The following SHC4 variants were observed in gnomAD, a reference collection of about 807,000 sequenced individuals.
SHC4 encodes SHC adaptor protein 4.
Under a neutral mutation model 69.4 loss-of-function variants are expected in SHC4, and 41 were observed. That is an observed-to-expected ratio of 0.59 (90% confidence interval 0.46 to 0.77). The LOEUF (loss-of-function observed/expected upper bound fraction) is 0.77. SHC4 is among the 30% of genes least tolerant of loss of function. SHC4 has a pLI of 0.00. For missense variants in SHC4, 777 were observed against 783.8 expected (o/e 0.99, Z 0.10); for synonymous variants, 318 against 299.3 (o/e 1.06, Z -0.64).
intron 1 of SHC4, among the ~76,000 whole-genome samples, chr15:48,952,582 T>C (rs554631846): frequency 1.8e-4 from 28 of 151,882 alleles, no homozygotes; most frequent in African/African-American, 6.8e-4. Context: ...TAAACAAATT[T>C]ACAAGAAAAA....
chr15:48,844,677 T>G (rs1040147142), intron 9 of SHC4, among the ~76,000 whole-genome samples: 1 of 152,170 alleles, frequency 6.6e-6, no homozygotes, highest in Non-Finnish European at 1.5e-5. Flanking sequence ...GTAATAATCC[T>G]CATGTGTCAA....
At chr15:48,876,441 A>G (rs75509331) in intron 4 of SHC4, 1 of 321,162 alleles carries the variant, frequency 3.1e-6, no homozygotes, top group Admixed American at 6.1e-5. Flanking sequence ...TGGAATATAT[A>G]CATATATATA....
chr15:48,899,008 G>A (rs1426108894), intron 2 of SHC4, among the ~76,000 whole-genome samples: 2 of 148,242 alleles, frequency 1.3e-5, no homozygotes, highest in Non-Finnish European at 3.0e-5. Flanking sequence ...GTGCACTGAT[G>A]CATAATGTGG....
intron 4 of SHC4, chr15:48,878,130 A>C (rs369144979): frequency 9.9e-6 from 15 of 1,511,532 alleles, no homozygotes; most frequent in South Asian, 1.3e-5. Flanking sequence ...GCCGCGCAGC[A>C]TCTGTCTTGC....
chr15:48,859,036 C>T (rs769603872), intron 6 of SHC4, among the ~76,000 whole-genome samples: 22 of 152,098 alleles, frequency 1.4e-4, no homozygotes, highest in Admixed American at 5.2e-4. Flanking sequence ...GAGAGACAAC[C>T]GTCTTTATGG....
intron 2 of SHC4, among the ~76,000 whole-genome samples, chr15:48,901,299 G>A (rs1477600630): frequency 6.6e-6 from 1 of 152,182 alleles, no homozygotes; most frequent in Non-Finnish European, 1.5e-5. Context: ...ATTAGCTTGT[G>A]CATGGTGCAA....
At chr15:48,916,321 A>G (rs1230448754) in intron 2 of SHC4, among the ~76,000 whole-genome samples, 1 of 150,924 alleles carries the variant, frequency 6.6e-6, no homozygotes, top group Non-Finnish European at 1.5e-5. Flanking sequence ...ACACACACCC[A>G]GAAGTATGCA....
Position 48,825,197 on chromosome 15 carries a change from G to A in SHC4, c.*774C>T, listed in dbSNP as rs1020814432. On this transcript the variant is annotated 3_prime_UTR_variant, in exon 12 of 12. Coordinates refer to ENST00000332408, the MANE Select transcript of SHC4 (RefSeq NM_203349.4). ...GTTTTTTGTCTTTTTAGCAGGAAGA[G>A]GGGGAGAATATAATGAAATCAGAAA... 1 of 151,962 alleles carries A rather than the reference G, an allele frequency of 6.6e-6. No individual in the cohort carries two copies. Among genetic ancestry groups the A allele is most frequent in the African/African-American group, 2.4e-5 (1 of 41,372 alleles). The allele number at this position is 151,962 out of a possible 1,614,324, so 9.4% of individuals were successfully genotyped here. A position where few individuals can be genotyped will look rare whatever the true frequency, so the allele number is the denominator to read the frequency against.
At chr15:48,870,673 G>A (rs976669373) in intron 5 of SHC4, among the ~76,000 whole-genome samples, 9 of 148,168 alleles carry the variant, frequency 6.1e-5, no homozygotes, top group East Asian at 2.0e-4. Flanking sequence ...GTGAGACGCC[G>A]TCTCAAAAAA....
chr15:48,863,828 T>G (rs1220743931), intron 6 of SHC4, among the ~76,000 whole-genome samples: 1 of 152,244 alleles, frequency 6.6e-6, no homozygotes, highest in African/African-American at 2.4e-5. Flanking sequence ...TGTTCTTTTG[T>G]GTGCTCAGGA....
intron 11 of SHC4, among the ~76,000 whole-genome samples, chr15:48,832,148 T>A (rs1299413756): frequency 6.6e-6 from 1 of 152,206 alleles, no homozygotes; most frequent in East Asian, 1.9e-4. Context: ...GGCGGGCACC[T>A]GTAATCCTAG....
At chr15:48,956,327 T>C (rs1901453369) in intron 1 of SHC4, among the ~76,000 whole-genome samples, 1 of 152,210 alleles carries the variant, frequency 6.6e-6, no homozygotes, top group Non-Finnish European at 1.5e-5. Flanking sequence ...GTGTAAACCA[T>C]GGGACTGTCT....
At chr15:48,915,648 CT>C (rs1373046338) in intron 2 of SHC4, among the ~76,000 whole-genome samples, 1 of 152,212 alleles carries the variant, frequency 6.6e-6, no homozygotes, top group Non-Finnish European at 1.5e-5. Flanking sequence ...TTCTAATCAG[CT>C]GATAATGGCC....
intron 1 of SHC4, among the ~76,000 whole-genome samples, chr15:48,935,408 A>C (rs1350974115): frequency 6.6e-6 from 1 of 152,090 alleles, no homozygotes; most frequent in Admixed American, 6.6e-5. Flanking sequence ...AAGGGCAGGG[A>C]GTGAGTCTTA....
In SHC4 at chr15:48,890,913, C is replaced by T. The variant is rs537082058; in HGVS notation, c.657-102G>A. 8.7e-5 allele frequency: 105 copies of T among 1,201,092 alleles called. No individual in the cohort carries two copies. The African/African-American group carries it at 1.4e-3, about 16-fold the overall frequency. 74.4% of individuals were successfully genotyped at this position (1,201,092 alleles called of 1,614,324 possible). On this transcript the variant is annotated intron_variant, in intron 2 of 11. Transcript: ENST00000332408. ...TTATCACGACCAAAAAGTACACATACATAATAGTGAGTCTAACACAAATGG... is the reference window on the plus strand; with the variant it reads ...TTATCACGACCAAAAAGTACACATATATAATAGTGAGTCTAACACAAATGG...
At chr15:48,895,100 T>A (rs1417454706) in intron 2 of SHC4, among the ~76,000 whole-genome samples, 1 of 152,084 alleles carries the variant, frequency 6.6e-6, no homozygotes, top group East Asian at 1.9e-4. Context: ...CCACAGCTCC[T>A]GGCCAGCCCC....
chr15:48,869,951 T>C (rs996778523), intron 5 of SHC4, among the ~76,000 whole-genome samples: 2 of 152,196 alleles, frequency 1.3e-5, no homozygotes, highest in Non-Finnish European at 2.9e-5. Flanking sequence ...AACAGTGGTT[T>C]GGTCAATTTA....
chr15:48,871,620 C>T (rs1899679616), intron 5 of SHC4, among the ~76,000 whole-genome samples: 1 of 152,198 alleles, frequency 6.6e-6, no homozygotes, highest in South Asian at 2.1e-4. Context: ...AGCATTTCCT[C>T]CATGAGTTCC....
intron 10 of SHC4, among the ~76,000 whole-genome samples, chr15:48,843,201 G>A (rs1258124710): frequency 1.3e-5 from 2 of 152,136 alleles, no homozygotes; most frequent in Non-Finnish European, 2.9e-5. Context: ...TACAAGCCAA[G>A]GGACATCAAG....
Sources: allele counts gnomAD v4.1 joint callset (sites outside exome capture counted in the v4.1 genomes callset), GRCh38; gene constraint gnomAD v4.1.1; transcripts MANE v1.5; gene names NCBI Gene and HGNC (gene_info 2026-07-23, HGNC 2026-07-21).